Variants in CFAP300 observed in about 807,000 individuals in gnomAD.
The protein encoded by CFAP300 is cilia- and flagella-associated protein 300.
Under a neutral mutation model 33.0 loss-of-function variants are expected in CFAP300, and 32 were observed. The ratio of observed to expected loss-of-function variants is 0.97; its 90% confidence interval spans 0.73 to 1.30. The LOEUF is 1.30. Among genes scored for constraint, CFAP300 ranks in the 50% most tolerant of loss-of-function variants. CFAP300 has a pLI of 0.00. For missense variants in CFAP300, 356 were observed against 318.1 expected, an observed-to-expected ratio of 1.12 and a Z score of -0.90; for synonymous variants, 102 against 106.8, an observed-to-expected ratio of 0.95 and a Z score of 0.28.
chr11:102,074,099 T>A (rs540671713), intron 4 of CFAP300, among the ~76,000 whole-genome samples: 1 of 152,068 alleles, frequency 6.6e-6, no homozygotes, highest in Admixed American at 6.5e-5. Context: ...GGGGATGTCA[T>A]TGGGGCTCTA....
chr11:102,083,746 G>C lies in CFAP300; in HGVS notation c.*547G>C, dbSNP rs1253870583. 6.6e-6 allele frequency: 1 copy of C among 152,198 alleles called. No homozygotes were observed. The highest frequency in any genetic ancestry group is 2.4e-5 in the African/African-American group (1 of 41,424). 9.4% of individuals were successfully genotyped at this position (152,198 alleles called of 1,614,324 possible). ...GAAGTAACGTTCTGGGGCCTGGCAC[G>C]GTGGCTCACGCCTGTAATCTCAGCA... On this transcript the variant is annotated 3_prime_UTR_variant, in exon 7 of 7. Coordinates refer to ENST00000434758, the MANE Select transcript of CFAP300 (RefSeq NM_032930.3).
chr11:102,061,835 T>C (rs1367043399), intron 3 of CFAP300, among the ~76,000 whole-genome samples: 1 of 152,198 alleles, frequency 6.6e-6, no homozygotes, highest in Admixed American at 6.5e-5. Flanking sequence ...TGTTTTATAA[T>C]GCTAGTACTA....
At chr11:102,071,014 T>G (rs1942305805) in intron 4 of CFAP300, among the ~76,000 whole-genome samples, 1 of 152,204 alleles carries the variant, frequency 6.6e-6, no homozygotes, top group Admixed American at 6.5e-5. Flanking sequence ...ATAGATATTC[T>G]GTAACTGTTG....
At chr11:102,079,198 A>G (rs1034491178) in intron 5 of CFAP300, among the ~76,000 whole-genome samples, 1 of 152,202 alleles carries the variant, frequency 6.6e-6, no homozygotes, top group Non-Finnish European at 1.5e-5. Context: ...GTGAATCTTT[A>G]TGTATGTTTA....
intron 6 of CFAP300, among the ~76,000 whole-genome samples, chr11:102,081,889 T>TAAAAAA (rs72280444): frequency 8.4e-6 from 1 of 118,738 alleles, no homozygotes; most frequent in Non-Finnish European, 1.7e-5. Flanking sequence ...AGACTCCATC[T>TAAAAAA]AAAAAAAAAA....
chr11:102,057,339 CAA>C (rs68076980), intron 2 of CFAP300, among the ~76,000 whole-genome samples: 61,059 of 129,720 alleles, frequency 0.47, 13,050 homozygotes, highest in East Asian at 0.68. Context: ...AACTCCATCT[CAA>C]AAAAAAAAAA....
At chr11:102,047,782 C>G in intron 1 of CFAP300, 33 bp from the exon 2 acceptor site, 1 of 1,610,322 alleles carries the variant, frequency 6.2e-7, no homozygotes, top group Non-Finnish European at 8.5e-7. Flanking sequence ...GGTGCCAGCC[C>G]CCAGATGATT....
At chr11:102,054,091 A>G (rs918941610) in intron 2 of CFAP300, among the ~76,000 whole-genome samples, 1 of 152,222 alleles carries the variant, frequency 6.6e-6, no homozygotes, top group East Asian at 1.9e-4. Flanking sequence ...GAAACAGGCA[A>G]ACGCCACAAT....
At chr11:102,052,418 A>C (rs1342312869) in intron 2 of CFAP300, among the ~76,000 whole-genome samples, 5 of 152,332 alleles carry the variant, frequency 3.3e-5, no homozygotes, top group Middle Eastern at 3.4e-3. Flanking sequence ...CTTTTATTTG[A>C]AAGACTAAAA....
At chr11:102,078,819 G>A (rs1234289826) in intron 5 of CFAP300, among the ~76,000 whole-genome samples, 2 of 151,916 alleles carry the variant, frequency 1.3e-5, no homozygotes, top group Admixed American at 6.6e-5. Flanking sequence ...AGCAATTCTC[G>A]TGCCTCAGCT....
intron 3 of CFAP300, among the ~76,000 whole-genome samples, chr11:102,062,439 G>A (rs1018235318): frequency 1.1e-4 from 16 of 152,316 alleles, no homozygotes; most frequent in Non-Finnish European, 1.3e-4. Context: ...CAATTCTGGT[G>A]ATAGCGCCCA....
At chr11:102,064,689 G>C (rs188177075) in intron 3 of CFAP300, among the ~76,000 whole-genome samples, 3 of 152,136 alleles carry the variant, frequency 2.0e-5, no homozygotes, top group Non-Finnish European at 4.4e-5. Flanking sequence ...GGGATACACC[G>C]AGGGCCACCA....
At chr11:102,067,418 A>G (rs1224588589) in intron 4 of CFAP300, among the ~76,000 whole-genome samples, 1 of 152,210 alleles carries the variant, frequency 6.6e-6, no homozygotes, top group Non-Finnish European at 1.5e-5. Flanking sequence ...TTTTTATCTC[A>G]TTGCTAATAT....
chr11:102,051,938 A>T (rs1941977971), intron 2 of CFAP300, among the ~76,000 whole-genome samples: 1 of 152,300 alleles, frequency 6.6e-6, no homozygotes, highest in Admixed American at 6.5e-5. Flanking sequence ...CTAGTTTAGG[A>T]ATCATCTTAT....
At chr11:102,064,212 C>T (rs993433439) in intron 3 of CFAP300, among the ~76,000 whole-genome samples, 1 of 152,134 alleles carries the variant, frequency 6.6e-6, no homozygotes, top group South Asian at 2.1e-4. Flanking sequence ...TATTTTTTCA[C>T]CATCCAAACC....
intron 3 of CFAP300, among the ~76,000 whole-genome samples, chr11:102,064,492 AGTTC>A (rs1942195246): frequency 6.6e-6 from 1 of 152,218 alleles, no homozygotes; most frequent in Non-Finnish European, 1.5e-5. Context: ...AGGCATACAC[AGTTC>A]CTGGCTCCAG....
At position 102,083,290 on chromosome 11, in the gene CFAP300, TAATTCAAGAAA is replaced by T. The variant is rs1288409733; in HGVS notation, c.*95_*105del. 2 of 1,074,106 alleles carry T rather than the reference TAATTCAAGAAA, an allele frequency of 1.9e-6. No homozygotes were observed. Among genetic ancestry groups the T allele is most frequent in the African/African-American group, 3.3e-5 (2 of 60,204 alleles). 66.5% of individuals were successfully genotyped at this position (1,074,106 alleles called of 1,614,324 possible). ...ATAGATAAACATATACTTTGCAAAT[TAATTCAAGAAA>T]AATGTAAGGAGCCTACTTAGAGCAG... On this transcript the variant is annotated 3_prime_UTR_variant, in exon 7 of 7. Transcript: ENST00000434758.
At chr11:102,066,067 C>T (rs1942220821) in intron 3 of CFAP300, among the ~76,000 whole-genome samples, 1 of 151,392 alleles carries the variant, frequency 6.6e-6, no homozygotes, top group South Asian at 2.1e-4. Flanking sequence ...AAGCAGTTCT[C>T]CTGCCTCAGC....
intron 4 of CFAP300, among the ~76,000 whole-genome samples, chr11:102,075,534 C>T (rs907990610): frequency 6.6e-6 from 1 of 152,138 alleles, no homozygotes; most frequent in Non-Finnish European, 1.5e-5. Flanking sequence ...GAAGTGTCCT[C>T]ATTTATTTAT....
Sources: allele counts gnomAD v4.1 joint callset (sites outside exome capture counted in the v4.1 genomes callset), GRCh38; gene constraint gnomAD v4.1.1; transcripts MANE v1.5; gene names NCBI Gene and HGNC (gene_info 2026-07-23, HGNC 2026-07-21).